Variants in ENKUR observed in about 807,000 individuals in gnomAD.
ENKUR encodes the protein enkurin, TRPC channel interacting protein.
ENKUR carries 19 observed loss-of-function variants against 27.6 expected under a neutral mutation model. The observed-to-expected ratio is 0.69, with a 90% CI of 0.48 to 1.01. The LOEUF is 1.01. ENKUR is among the 50% of genes least tolerant of loss of function. The pLI is 0.00. For synonymous variants in ENKUR, 117 were observed against 96.9 expected (o/e 1.21, Z -1.22); for missense variants, 312 against 310.5 (o/e 1.00, Z -0.04).
At chr10:25,009,951 T>C (rs1157787535) in intron 1 of ENKUR, among the ~76,000 whole-genome samples, 1 of 152,172 alleles carries the variant, frequency 6.6e-6, no homozygotes, top group African/African-American at 2.4e-5. Context: ...TACTTATCAG[T>C]AGTATGAGAA....
chr10:25,040,888 A>G (rs774559625), intron 2 of ENKUR, among the ~76,000 whole-genome samples: 4 of 152,246 alleles, frequency 2.6e-5, no homozygotes, highest in South Asian at 2.1e-4. Flanking sequence ...AGAAACATAC[A>G]TAAGTGCATC....
At chr10:25,005,509 C>A (rs191829757) in intron 1 of ENKUR, among the ~76,000 whole-genome samples, 1 of 152,082 alleles carries the variant, frequency 6.6e-6, no homozygotes, top group African/African-American at 2.4e-5. Context: ...GGATTAACAA[C>A]TTTTCTTTTT....
At chr10:24,995,547 C>T in intron 3 of ENKUR, 99 bp downstream of exon 3, 1 of 1,061,958 alleles carries the variant, frequency 9.4e-7, no homozygotes, top group Non-Finnish European at 1.4e-6. Flanking sequence ...ACAATGTGTC[C>T]AATGAGAGCA....
At chr10:25,022,479 C>G (rs1850741355) in intron 2 of ENKUR, among the ~76,000 whole-genome samples, 1 of 152,120 alleles carries the variant, frequency 6.6e-6, no homozygotes, top group East Asian at 1.9e-4. Context: ...TACCTTTCAC[C>G]TTGGCTCTTT....
chr10:25,018,257 GA>G (rs1358015920), upstream of ENKUR, among the ~76,000 whole-genome samples: 2 of 152,142 alleles, frequency 1.3e-5, no homozygotes, highest in Non-Finnish European at 2.9e-5. Flanking sequence ...CTTGCCTTTT[GA>G]AAGTGTGTTT....
rs1018447801 is a variant in ENKUR, at chr10:24,995,686, A to C, written c.407T>G (p.Leu136Arg). The part of the protein sequence containing the change: ...VDKRTGDKHD[L>R]EPSGLVPKYI... ...CTTTGGAACTAGTCCTGAAGGCTCA[A>C]GATCATGCTTGTCTCCAGTTCTTTT... The change falls in exon 3 of 6, where the codon CTT becomes CGT. Residue 136 changes from leucine (L) to arginine (R), a missense_variant. By Grantham distance (102) the Leu-to-Arg change is moderately radical. Transcript: ENST00000331161. 6.2e-7 allele frequency: 1 copy of C among 1,613,942 alleles called. No individual in the cohort carries two copies. Among genetic ancestry groups the C allele is most frequent in the African/African-American group, 1.3e-5 (1 of 74,940 alleles).
At chr10:25,036,427 TG>T (rs1490915118) in intron 2 of ENKUR, among the ~76,000 whole-genome samples, 2 of 152,178 alleles carry the variant, frequency 1.3e-5, no homozygotes, top group African/African-American at 4.8e-5. Flanking sequence ...TACCCGATCT[TG>T]GGTATGTCTT....
At chr10:25,056,258 A>G (rs1377441768) in intron 2 of ENKUR, among the ~76,000 whole-genome samples, 2 of 152,330 alleles carry the variant, frequency 1.3e-5, no homozygotes, top group East Asian at 3.9e-4. Context: ...CTCATATGCC[A>G]TGAACTATAG....
chr10:25,015,500 G>C (rs1450257604), intron 1 of ENKUR, among the ~76,000 whole-genome samples: 1 of 152,076 alleles, frequency 6.6e-6, no homozygotes, highest in Non-Finnish European at 1.5e-5. Context: ...CAAACATCAA[G>C]TATCCTTAAA....
intron 2 of ENKUR, among the ~76,000 whole-genome samples, chr10:25,039,016 C>T (rs1184656131): frequency 6.6e-6 from 1 of 152,194 alleles, no homozygotes; most frequent in Non-Finnish European, 1.5e-5. Flanking sequence ...AAAATTTTTA[C>T]TGCCATGAAT....
chr10:25,025,412 TGAA>T, intron 2 of ENKUR: 1 of 1,612,706 alleles, frequency 6.2e-7, no homozygotes, highest in Non-Finnish European at 8.5e-7. Context: ...ATGAATGTCT[TGAA>T]GAGTCATGTG....
intron 2 of ENKUR, among the ~76,000 whole-genome samples, chr10:25,033,825 GTCTATCTATCTATC>G (rs1850965467): frequency 2.0e-5 from 3 of 148,620 alleles, no homozygotes; most frequent in East Asian, 2.0e-4. Context: ...GTGTGTGTGT[GTCTATCTATCTATC>G]TATCTATCTA....
chr10:24,998,565 T>A (rs913153823), intron 2 of ENKUR, among the ~76,000 whole-genome samples: 5 of 151,938 alleles, frequency 3.3e-5, no homozygotes, highest in African/African-American at 1.2e-4. Flanking sequence ...AATTTTTTTG[T>A]ACGGACGGGG....
intron 2 of ENKUR, among the ~76,000 whole-genome samples, chr10:25,035,836 G>A (rs1851001319): frequency 3.9e-5 from 6 of 152,272 alleles, no homozygotes; most frequent in Admixed American, 3.9e-4. Flanking sequence ...TTGACTCAAG[G>A]TCATTCTTCT....
chr10:24,985,059 G>C (rs2279547), intron 4 of ENKUR, among the ~76,000 whole-genome samples, 154 bp from the exon 5 acceptor site: 1 of 151,936 alleles, frequency 6.6e-6, no homozygotes, highest in Non-Finnish European at 1.5e-5. Context: ...ACTTGGCCAC[G>C]GTAACCAAAA....
chr10:25,017,499 T>C (rs542221506), upstream of ENKUR, among the ~76,000 whole-genome samples: 1 of 152,222 alleles, frequency 6.6e-6, no homozygotes, highest in East Asian at 1.9e-4. Context: ...GGCGGAGTGA[T>C]TAAAACAACA....
At chr10:25,058,422 G>T (rs1290850338) in intron 2 of ENKUR, among the ~76,000 whole-genome samples, 1 of 152,038 alleles carries the variant, frequency 6.6e-6, no homozygotes, top group Non-Finnish European at 1.5e-5. Flanking sequence ...TTTTCAAACT[G>T]GTGTCAAATT....
At chr10:25,019,911 A>G (rs949070983), upstream of ENKUR, among the ~76,000 whole-genome samples, 1 of 152,076 alleles carries the variant, frequency 6.6e-6, no homozygotes, top group African/African-American at 2.4e-5. Flanking sequence ...TAAATGAACC[A>G]TGTGTAATGC....
At chr10:25,006,246 A>G (rs1022178493) in intron 1 of ENKUR, among the ~76,000 whole-genome samples, 2 of 152,214 alleles carry the variant, frequency 1.3e-5, no homozygotes, top group Non-Finnish European at 2.9e-5. Flanking sequence ...ACACTGGTCT[A>G]TAATGAGGGC....
Sources: gnomAD v4.1 joint callset for allele counts (sites outside exome capture counted in the v4.1 genomes callset) on GRCh38, gnomAD v4.1.1 for gene constraint, MANE v1.5 for transcripts, NCBI Gene and HGNC (gene_info 2026-07-23, HGNC 2026-07-21) for gene names.